EYS: variants seen among roughly 807,000 people sequenced by gnomAD.
EYS encodes the protein protein eyes shut homolog.
EYS carries 250 observed loss-of-function variants against 282.1 expected under a neutral mutation model. The observed-to-expected ratio is 0.89, with a 90% CI of 0.80 to 0.98. EYS has a LOEUF of 0.98. Ranked by LOEUF, EYS falls within the 50% of genes least tolerant of loss-of-function variation. EYS has a pLI of 0.00. For synonymous variants in EYS, 1,355 were observed against 1,282.9 expected (o/e 1.06, Z -1.20); for missense variants, 4,016 against 3,709.0 (o/e 1.08, Z -2.15).
At chr6:65,610,852 T>C (rs1312687313) in intron 2 of EYS, among the ~76,000 whole-genome samples, 12 of 152,092 alleles carry the variant, frequency 7.9e-5, no homozygotes, top group Non-Finnish European at 4.4e-5. Flanking sequence ...TAACTGATTC[T>C]TTTTCCTAGC....
chr6:64,410,019 G>A (rs1031779246), intron 28 of EYS, among the ~76,000 whole-genome samples: 13 of 151,966 alleles, frequency 8.6e-5, no homozygotes, highest in Non-Finnish European at 1.6e-4. Flanking sequence ...CAGTAGAGGG[G>A]AACACAGACG....
intron 29 of EYS, 106 bp downstream of exon 29, chr6:64,388,584 C>T (rs1419541634): frequency 3.8e-6 from 4 of 1,060,516 alleles, no homozygotes; most frequent in Non-Finnish European, 2.6e-6. Flanking sequence ...CAGATGGCCC[C>T]ACTAGCCAGA....
At chr6:64,609,524 G>A (rs949506497) in intron 24 of EYS, among the ~76,000 whole-genome samples, 4 of 152,106 alleles carry the variant, frequency 2.6e-5, no homozygotes, top group Admixed American at 6.6e-5. Context: ...TGTAGACTAC[G>A]GCAAAGTTGT....
At position 64,303,226 on chromosome 6, in the gene EYS, C is replaced by T. The variant is rs112823218; in HGVS notation, c.6191+3744G>A. 4.6e-3 allele frequency among the ~76,000 whole-genome samples: 704 copies of T among 152,310 alleles called. 4 individuals are homozygous for T. The highest frequency in any genetic ancestry group is 0.016 in the African/African-American group (656 of 41,558). ...TGCTTGGCCAAGAGAGATTATCATA[C>T]CCCCAGTGGGGTTCCTTAGTAACAG... On this transcript the variant is annotated intron_variant, in intron 30 of 42. Transcript: ENST00000503581.
chr6:64,232,650 C>A (rs911735024), intron 30 of EYS, among the ~76,000 whole-genome samples: 1 of 152,116 alleles, frequency 6.6e-6, no homozygotes, highest in African/African-American at 2.4e-5. Context: ...CTCGGCCCCC[C>A]CAGAGCATTG....
intron 12 of EYS, among the ~76,000 whole-genome samples, chr6:65,279,510 C>T (rs1768158458): frequency 2.0e-5 from 3 of 152,130 alleles, no homozygotes; most frequent in Admixed American, 2.0e-4. Flanking sequence ...AAAATTTTAG[C>T]TTCCCAAAAG....
At chr6:64,805,599 T>G (rs2150011000) in intron 22 of EYS, among the ~76,000 whole-genome samples, 1 of 151,766 alleles carries the variant, frequency 6.6e-6, no homozygotes, top group South Asian at 2.1e-4. Context: ...ATAACAGGAC[T>G]AAACAGAAAA....
intron 33 of EYS, among the ~76,000 whole-genome samples, chr6:64,039,832 T>TTA (rs796297606): frequency 2.0e-5 from 3 of 152,332 alleles, no homozygotes; most frequent in African/African-American, 7.2e-5. Flanking sequence ...CCCTTTTCTT[T>TTA]TATTTGTACA....
chr6:65,407,880 A>AAAAGC (rs1766823138), intron 5 of EYS, among the ~76,000 whole-genome samples: 2 of 151,868 alleles, frequency 1.3e-5, no homozygotes, highest in South Asian at 4.2e-4. Context: ...TTCTTCCAAG[A>AAAAGC]AAAGCTGTCA....
intron 33 of EYS, among the ~76,000 whole-genome samples, chr6:64,049,689 T>C (rs1363692618): frequency 1.3e-5 from 2 of 152,082 alleles, no homozygotes; most frequent in African/African-American, 4.8e-5. Flanking sequence ...CTCAAATATA[T>C]CCTAGGAGTG....
At chr6:65,306,676 GA>G (rs1213535026) in intron 11 of EYS, among the ~76,000 whole-genome samples, 3 of 146,856 alleles carry the variant, frequency 2.0e-5, no homozygotes, top group Admixed American at 6.8e-5. Flanking sequence ...AAAAAAGAAA[GA>G]AAGAAATTAG....
chr6:64,805,881 A>G (rs1234985000), intron 22 of EYS, among the ~76,000 whole-genome samples: 1 of 151,614 alleles, frequency 6.6e-6, no homozygotes, highest in African/African-American at 2.4e-5. Flanking sequence ...TGAACAAAGA[A>G]AAATATTTAG....
rs141049171 is a variant in EYS, at chr6:64,810,514, C to T, written c.3443+2864G>A. On this transcript the variant is annotated intron_variant, in intron 22 of 42. Coordinates refer to ENST00000503581, the MANE Select transcript of EYS (RefSeq NM_001142800.2). ...TTAATATGTGAATCTTACAACACAA[C>T]AAAATATTTTAGGTTGGCAATTAAA... 2.2e-3 allele frequency among the ~76,000 whole-genome samples: 341 copies of T among 152,018 alleles called. 6 individuals are homozygous for T. The highest frequency in any genetic ancestry group is 7.7e-3 in the African/African-American group (318 of 41,496).
At chr6:65,045,779 G>A (rs1007891612) in intron 13 of EYS, among the ~76,000 whole-genome samples, 7 of 151,850 alleles carry the variant, frequency 4.6e-5, no homozygotes, top group African/African-American at 1.7e-4. Flanking sequence ...GTCCTAGAGG[G>A]TTTGGCTCAA....
At chr6:65,371,645 T>A (rs570026333) in intron 8 of EYS, among the ~76,000 whole-genome samples, 1 of 151,358 alleles carries the variant, frequency 6.6e-6, no homozygotes, top group South Asian at 2.1e-4. Flanking sequence ...GTTAAAAGCT[T>A]ACCTGCTTTC....
intron 12 of EYS, among the ~76,000 whole-genome samples, chr6:65,060,525 T>C (rs13196733): frequency 2.0e-5 from 3 of 151,842 alleles, no homozygotes; most frequent in African/African-American, 7.2e-5. Context: ...TCCTTCTTGG[T>C]CTTCTCTCTC....
chr6:65,615,974 A>C (rs1470380308), intron 2 of EYS, among the ~76,000 whole-genome samples: 1 of 151,954 alleles, frequency 6.6e-6, no homozygotes, highest in Non-Finnish European at 1.5e-5. Flanking sequence ...ATTATCAAAT[A>C]GTATGAACAC....
intron 5 of EYS, among the ~76,000 whole-genome samples, chr6:65,466,753 T>G (rs1765014402): frequency 1.3e-5 from 2 of 152,102 alleles, no homozygotes; most frequent in South Asian, 4.1e-4. Flanking sequence ...ACTTAAGACC[T>G]TCAGACACTA....
rs573665659 is a variant in EYS at position 65,668,719 on chromosome 6, C to T, written c.-447-28827G>A. ...CAATATAAAGATTACCTTTCAAGATCTCTTATTAGCCTTTAAACATTGAAG... is the reference window on the plus strand; with the variant it reads ...CAATATAAAGATTACCTTTCAAGATTTCTTATTAGCCTTTAAACATTGAAG... On this transcript the variant is annotated intron_variant, in intron 1 of 42. Transcript: ENST00000503581. Among the ~76,000 whole-genome samples the T allele has an allele frequency of 2.6e-5, 4 of 151,964 alleles. 1 individual carries two copies. Among genetic ancestry groups the T allele is most frequent in the African/African-American group, 9.6e-5 (4 of 41,544 alleles).
Sources: gnomAD v4.1 joint callset for allele counts (sites outside exome capture counted in the v4.1 genomes callset) on GRCh38, gnomAD v4.1.1 for gene constraint, MANE v1.5 for transcripts, NCBI Gene and HGNC (gene_info 2026-07-23, HGNC 2026-07-21) for gene names.